Variants in WWC2 observed in about 807,000 individuals in gnomAD.
WWC2 encodes protein WWC2.
A neutral mutation model predicts 138.5 loss-of-function variants in WWC2; 101 were observed. That is an observed-to-expected ratio of 0.73 (90% CI 0.62 to 0.86). WWC2 has a LOEUF of 0.86. WWC2 is among the 40% of genes least tolerant of loss of function. The probability of loss-of-function intolerance (pLI) is 0.00; values close to 1 mark genes in which losing one functional copy is unlikely to be tolerated. For synonymous variants in WWC2, 558 were observed against 538.4 expected (o/e 1.04, Z -0.50); for missense variants, 1,420 against 1,419.4 (o/e 1.00, Z -0.01).
At chr4:183,112,484 C>T (rs535871982) in intron 1 of WWC2, among the ~76,000 whole-genome samples, 3 of 152,344 alleles carry the variant, frequency 2.0e-5, no homozygotes, top group Admixed American at 2.0e-4. Flanking sequence ...CAGTAACCTC[C>T]ATAATTTGTC....
chr4:183,118,656 T>C (rs1732501616), intron 1 of WWC2, among the ~76,000 whole-genome samples: 1 of 152,214 alleles, frequency 6.6e-6, no homozygotes. Context: ...GAGTGTTCTG[T>C]CTATAAAATA....
chr4:183,114,944 C>T (rs1732364044), intron 1 of WWC2, among the ~76,000 whole-genome samples: 1 of 152,130 alleles, frequency 6.6e-6, no homozygotes. Context: ...GCCTCAGCCT[C>T]CTAAGTAGCT....
intron 9 of WWC2, among the ~76,000 whole-genome samples, chr4:183,257,212 T>C (rs1737179869): frequency 6.6e-6 from 1 of 152,182 alleles, no homozygotes; most frequent in African/African-American, 2.4e-5. Context: ...ACGTCTTAAT[T>C]GTTTCTTAAT....
Position 183,315,695 on chromosome 4 carries a change from TAAGCATC to T in WWC2, c.3546_3552del (p.Ser1183HisfsTer13). ...ATTGCCTACTTCACCAGAGCAAAGA[TAAGCATC>T]CCATCCCTGCCAGCTGATGATGTGT... On this transcript the variant is annotated frameshift_variant, in exon 23 of 23. Coordinates refer to ENST00000403733, the MANE Select transcript of WWC2 (RefSeq NM_024949.6). LOFTEE classifies it high-confidence loss of function. The T allele has an allele frequency of 6.2e-7, 1 of 1,613,540 alleles. No homozygotes were observed. The highest frequency in any genetic ancestry group is 8.5e-7 in the Non-Finnish European group (1 of 1,179,666).
chr4:183,286,952 G>A (rs1738276319), intron 20 of WWC2, among the ~76,000 whole-genome samples: 1 of 152,150 alleles, frequency 6.6e-6, no homozygotes, highest in South Asian at 2.1e-4. Flanking sequence ...GGGGCAGGGT[G>A]GGGGTGTGAT....
chr4:183,206,944 A>G (rs1735463800), intron 2 of WWC2, among the ~76,000 whole-genome samples: 1 of 152,160 alleles, frequency 6.6e-6, no homozygotes, highest in Non-Finnish European at 1.5e-5. Flanking sequence ...TGTGGCCCCT[A>G]CTGTAGCTTC....
At chr4:183,297,584 A>G (rs563713007) in intron 21 of WWC2, among the ~76,000 whole-genome samples, 1 of 151,236 alleles carries the variant, frequency 6.6e-6, no homozygotes, top group South Asian at 2.1e-4. Context: ...TAATTTTTTT[A>G]TATTTAGTAG....
At chr4:183,284,168 A>T (rs1738167768) in intron 18 of WWC2, 58 bp from the exon 19 acceptor site, 1 of 1,587,112 alleles carries the variant, frequency 6.3e-7, no homozygotes, top group East Asian at 2.3e-5. Context: ...CTTAGAAGAA[A>T]GGAGCATAAT....
In WWC2 at chr4:183,265,726, A is replaced by T. The variant is rs918081216; in HGVS notation, c.2078A>T (p.Asp693Val). ...GAAGATGTCACATACAGTGAAGAGG[A>T]TGTAGCCATTGTAGAGACCGCCCAG... ...EMEDVTYSEE[D>V]VAIVETAQVQ... Residue 693 changes from aspartate to valine, a missense_variant, in exon 13 of 23, where the codon GAT (aspartate) becomes GTT (valine). Transcript: ENST00000403733. 5.6e-6 allele frequency: 9 copies of T among 1,611,954 alleles called. No individual in the cohort carries two copies. Among genetic ancestry groups the T allele is most frequent in the Admixed American group, 1.7e-5 (1 of 59,758 alleles).
chr4:183,110,925 C>T (rs1732209060), intron 1 of WWC2, among the ~76,000 whole-genome samples: 1 of 151,986 alleles, frequency 6.6e-6, no homozygotes, highest in Non-Finnish European at 1.5e-5. Flanking sequence ...GAGATTGGTG[C>T]TACAAACCCC....
At chr4:183,294,305 G>T (rs1443487042) in intron 21 of WWC2, among the ~76,000 whole-genome samples, 1 of 152,168 alleles carries the variant, frequency 6.6e-6, no homozygotes, top group African/African-American at 2.4e-5. Flanking sequence ...GGATACTGAT[G>T]CAGTTAATGA....
At chr4:183,204,191 G>A (rs1735381841) in intron 2 of WWC2, among the ~76,000 whole-genome samples, 3 of 152,334 alleles carry the variant, frequency 2.0e-5, no homozygotes, top group Middle Eastern at 3.4e-3. Context: ...CTACCTGGGA[G>A]TTCTTTCTGT....
intron 2 of WWC2, among the ~76,000 whole-genome samples, chr4:183,205,396 C>T (rs1189266083): frequency 6.6e-6 from 1 of 152,294 alleles, no homozygotes; most frequent in East Asian, 1.9e-4. Flanking sequence ...GGACTCTATT[C>T]TGTTGCAACA....
chr4:183,121,841 G>A (rs907978957), intron 1 of WWC2, among the ~76,000 whole-genome samples: 2 of 148,590 alleles, frequency 1.3e-5, no homozygotes, highest in East Asian at 2.0e-4. Flanking sequence ...GCTGGAGTGC[G>A]GTGGCACGAT....
intron 1 of WWC2, among the ~76,000 whole-genome samples, chr4:183,133,042 C>T (rs1306617103): frequency 1.5e-5 from 2 of 130,512 alleles, no homozygotes; most frequent in African/African-American, 6.9e-5. Flanking sequence ...CTTTTCTTTT[C>T]CCTTCCCTTT....
At chr4:183,291,832 TGAAAG>T (rs1171257814) in intron 21 of WWC2, among the ~76,000 whole-genome samples, 1 of 150,508 alleles carries the variant, frequency 6.6e-6, no homozygotes, top group Admixed American at 6.6e-5. Flanking sequence ...TTGAAAAAAA[TGAAAG>T]GAAAAACAAA....
chr4:183,235,684 A>G (rs1001713025), intron 4 of WWC2, among the ~76,000 whole-genome samples: 11 of 152,238 alleles, frequency 7.2e-5, no homozygotes. Context: ...TAAAGGCTGC[A>G]TAATATTCCA....
chr4:183,162,956 C>G (rs930731996), intron 1 of WWC2, among the ~76,000 whole-genome samples: 2 of 152,046 alleles, frequency 1.3e-5, no homozygotes, highest in African/African-American at 4.8e-5. Flanking sequence ...GTTTTTCTCT[C>G]TAGTGCCTTG....
At position 183,261,006 on chromosome 4, in the gene WWC2, C is replaced by T. The variant is rs373030538; in HGVS notation, c.1383C>T (p.Leu461=). The change falls in exon 11 of 23, where the codon CTC becomes CTT. Residue 461 remains leucine, a synonymous_variant. Transcript: ENST00000403733. Reference sequence around the variant, plus strand: ...TGAACACCTCCAGCAGAGGGTCACTCAACTCCCTCAGTTCCACCGAACTCT... The same window carrying T: ...TGAACACCTCCAGCAGAGGGTCACTTAACTCCCTCAGTTCCACCGAACTCT... ...GSLNTSSRGS[L]NSLSSTELYY... The T allele has an allele frequency of 6.2e-7, 1 of 1,614,010 alleles. No individual in the cohort carries two copies. Among genetic ancestry groups the T allele is most frequent in the African/African-American group, 1.3e-5 (1 of 75,060 alleles).
Sources: gnomAD v4.1 joint callset for allele counts (sites outside exome capture counted in the v4.1 genomes callset) on GRCh38, gnomAD v4.1.1 for gene constraint, MANE v1.5 for transcripts, NCBI Gene and HGNC (gene_info 2026-07-23, HGNC 2026-07-21) for gene names.